FGFR2: variants seen among roughly 807,000 people sequenced by gnomAD.
FGFR2 encodes fibroblast growth factor receptor 2.
Under a neutral mutation model 95.9 loss-of-function variants are expected in FGFR2, and 19 were observed. That is an observed-to-expected ratio of 0.20 (90% confidence interval 0.14 to 0.29). The LOEUF is 0.29. Ranked by LOEUF, FGFR2 falls within the 10% of genes least tolerant of loss-of-function variation. The pLI is 1.00. For missense variants in FGFR2, 707 were observed against 1,056.9 expected, an observed-to-expected ratio of 0.67 and a Z score of 4.59; for synonymous variants, 392 against 393.3, an observed-to-expected ratio of 1.00 and a Z score of 0.04.
intron 2 of FGFR2, among the ~76,000 whole-genome samples, chr10:121,589,483 G>A (rs778044731): frequency 1.3e-4 from 20 of 152,072 alleles, no homozygotes; most frequent in Non-Finnish European, 2.9e-4. Context: ...AGACTTGAAA[G>A]GAATAAAGTC....
intron 6 of FGFR2, among the ~76,000 whole-genome samples, chr10:121,525,622 AGGG>A (rs1851251639): frequency 4.1e-5 from 1 of 24,284 alleles, no homozygotes; most frequent in Non-Finnish European, 4.0e-4. Flanking sequence ...GTCATTATTG[AGGG>A]AGAGAGAGAG....
intron 9 of FGFR2, among the ~76,000 whole-genome samples, chr10:121,508,787 A>C (rs1490341108): frequency 6.6e-6 from 1 of 152,244 alleles, no homozygotes; most frequent in African/African-American, 2.4e-5. Context: ...AAACGTGCAA[A>C]GTCTAAGAAA....
At chr10:121,521,719 T>C (rs1850573605) in intron 6 of FGFR2, among the ~76,000 whole-genome samples, 2 of 150,064 alleles carry the variant, frequency 1.3e-5, no homozygotes, top group African/African-American at 4.9e-5. Context: ...TTGGTGGGAA[T>C]ATAAAATGAT....
chr10:121,562,458 T>C (rs1443378418), intron 4 of FGFR2, among the ~76,000 whole-genome samples: 3 of 152,250 alleles, frequency 2.0e-5, no homozygotes, highest in South Asian at 4.1e-4. Flanking sequence ...CTAACCTATG[T>C]ATTTTTAGCA....
chr10:121,503,510 G>A (rs1047730968), intron 10 of FGFR2, among the ~76,000 whole-genome samples: 2 of 152,146 alleles, frequency 1.3e-5, no homozygotes, highest in African/African-American at 2.4e-5. Flanking sequence ...CCATTTGACG[G>A]AGTCTGAATT....
intron 9 of FGFR2, among the ~76,000 whole-genome samples, chr10:121,512,817 T>C (rs1316586775): frequency 1.3e-5 from 2 of 152,194 alleles, no homozygotes; most frequent in Non-Finnish European, 2.9e-5. Context: ...AACTCTGATG[T>C]TCCCTCTGGT....
intron 13 of FGFR2, among the ~76,000 whole-genome samples, chr10:121,491,202 A>G (rs1375474318): frequency 6.6e-6 from 1 of 152,154 alleles, no homozygotes; most frequent in Non-Finnish European, 1.5e-5. Context: ...GCCAGAGTCT[A>G]GCGTGGCCAT....
chr10:121,481,445 G>A lies in FGFR2; in HGVS notation c.2302-1424C>T, dbSNP rs985631072. On this transcript the variant is annotated intron_variant, in intron 17 of 17. Transcript: ENST00000358487. ...ACAAAACCCTCTAATTCATCACCAG[G>A]GTTGGCAAGAGAAAGAGTCCCCATC... Among the ~76,000 whole-genome samples, 162 of 151,616 alleles carry A rather than the reference G, an allele frequency of 1.1e-3. 2 individuals carry two copies. Among genetic ancestry groups the A allele is most frequent in the Non-Finnish European group, 2.5e-4 (17 of 67,958 alleles).
chr10:121,493,743 C>T (rs1846429326), intron 13 of FGFR2, among the ~76,000 whole-genome samples: 1 of 152,144 alleles, frequency 6.6e-6, no homozygotes, highest in Non-Finnish European at 1.5e-5. Context: ...AGCCCACCCT[C>T]AGAGCTGAGC....
chr10:121,497,351 T>C (rs1847009389), intron 12 of FGFR2, among the ~76,000 whole-genome samples: 1 of 152,158 alleles, frequency 6.6e-6, no homozygotes, highest in Admixed American at 6.5e-5. Flanking sequence ...CTCTATCCTT[T>C]TGGTTCATTT....
intron 2 of FGFR2, among the ~76,000 whole-genome samples, chr10:121,587,897 T>C (rs1862072909): frequency 6.6e-6 from 1 of 152,216 alleles, no homozygotes; most frequent in African/African-American, 2.4e-5. Flanking sequence ...ACTGGGTATA[T>C]ACCCAGAGGA....
chr10:121,560,569 A>C (rs1312072795), intron 4 of FGFR2, among the ~76,000 whole-genome samples: 12 of 137,842 alleles, frequency 8.7e-5, no homozygotes, highest in Non-Finnish European at 1.7e-4. Flanking sequence ...GAGCCGAGAT[A>C]GCACCACTGC....
intron 6 of FGFR2, among the ~76,000 whole-genome samples, chr10:121,522,043 A>AGC (rs559636812): frequency 9.3e-4 from 141 of 152,368 alleles, no homozygotes; most frequent in African/African-American, 3.2e-3. Context: ...ACAGAAAGAC[A>AGC]GACACTGCCT....
At chr10:121,489,600 CT>C (rs1845872487) in intron 13 of FGFR2, among the ~76,000 whole-genome samples, 2 of 152,220 alleles carry the variant, frequency 1.3e-5, no homozygotes, top group South Asian at 4.1e-4. Context: ...GACCCATGTT[CT>C]CATTTTCAAC....
intron 4 of FGFR2, among the ~76,000 whole-genome samples, chr10:121,553,254 G>A (rs1008688340): frequency 6.6e-6 from 1 of 152,202 alleles, no homozygotes; most frequent in African/African-American, 2.4e-5. Flanking sequence ...GAGAGAAGAA[G>A]AGGAAGGAGG....
intron 4 of FGFR2, among the ~76,000 whole-genome samples, chr10:121,560,315 G>A (rs1856760967): frequency 6.6e-6 from 1 of 152,074 alleles, no homozygotes. Flanking sequence ...CAGAGCCACT[G>A]GCCAAAAGAA....
intron 9 of FGFR2, among the ~76,000 whole-genome samples, chr10:121,509,793 A>C (rs74160619): frequency 0.014 from 2,093 of 151,978 alleles, 56 homozygotes; most frequent in African/African-American, 0.049. Flanking sequence ...TAACAGTGTT[A>C]TCTCTTTATA....
At chr10:121,539,667 A>G (rs1853400188) in intron 5 of FGFR2, among the ~76,000 whole-genome samples, 1 of 152,234 alleles carries the variant, frequency 6.6e-6, no homozygotes, top group Non-Finnish European at 1.5e-5. Flanking sequence ...CACTCCAGTG[A>G]AACGAAATGA....
At chr10:121,566,322 C>T (rs1394644001) in intron 2 of FGFR2, among the ~76,000 whole-genome samples, 1 of 152,152 alleles carries the variant, frequency 6.6e-6, no homozygotes, top group Admixed American at 6.5e-5. Context: ...TGAGCTGAGA[C>T]CTGCTGTTTT....
Sources: allele counts gnomAD v4.1 joint callset (sites outside exome capture counted in the v4.1 genomes callset), GRCh38; gene constraint gnomAD v4.1.1; transcripts MANE v1.5; gene names NCBI Gene and HGNC (gene_info 2026-07-23, HGNC 2026-07-21).